RARB: variants seen among roughly 807,000 people sequenced by gnomAD.
RARB encodes HBV-activated protein.
RARB carries 17 observed loss-of-function variants against 51.9 expected under a neutral mutation model. The ratio of observed to expected loss-of-function variants is 0.33; its 90% confidence interval spans 0.22 to 0.49. RARB has a LOEUF of 0.49. Among genes scored for constraint, RARB ranks in the 20% least tolerant of loss-of-function variants. The pLI, the probability that RARB is intolerant of heterozygous loss-of-function variation, is 0.99. For synonymous variants in RARB, 215 were observed against 195.4 expected, an observed-to-expected ratio of 1.10 and a Z score of -0.84; for missense variants, 369 against 550.8, an observed-to-expected ratio of 0.67 and a Z score of 3.30.
At chr3:25,425,923 C>A (rs1707975547), upstream of RARB, among the ~76,000 whole-genome samples, 1 of 152,214 alleles carries the variant, frequency 6.6e-6, no homozygotes, top group African/African-American at 2.4e-5. Flanking sequence ...GATCCCTGTA[C>A]ACACATACCT....
At chr3:25,118,588 T>G (rs1471646858) in intron 3 of RARB, among the ~76,000 whole-genome samples, 1 of 152,196 alleles carries the variant, frequency 6.6e-6, no homozygotes, top group Non-Finnish European at 1.5e-5. Context: ...TAAGGTTATA[T>G]TCCTTGAGAA....
chr3:25,277,988 C>T (rs1045213797), intron 5 of RARB, among the ~76,000 whole-genome samples: 1 of 152,092 alleles, frequency 6.6e-6, no homozygotes, highest in East Asian at 1.9e-4. Flanking sequence ...TTCTTTCATT[C>T]GATGTAATGT....
At chr3:25,436,039 G>A (rs1559400741) in intron 1 of RARB, among the ~76,000 whole-genome samples, 1 of 152,176 alleles carries the variant, frequency 6.6e-6, no homozygotes, top group Non-Finnish European at 1.5e-5. Context: ...ACATTTGTTA[G>A]AACTCATTTT....
chr3:25,458,790 T>C (rs1351840338), intron 1 of RARB, among the ~76,000 whole-genome samples: 2 of 152,216 alleles, frequency 1.3e-5, no homozygotes, highest in South Asian at 2.1e-4. Flanking sequence ...ACTATAATTA[T>C]AGTTGATTCT....
chr3:24,979,374 G>T (rs1331862362), intron 2 of RARB, among the ~76,000 whole-genome samples: 1 of 152,144 alleles, frequency 6.6e-6, no homozygotes, highest in Non-Finnish European at 1.5e-5. Context: ...GGGAGTCTAA[G>T]TCTCTTTATA....
intron 5 of RARB, among the ~76,000 whole-genome samples, chr3:25,406,435 G>A (rs1433916225): frequency 6.6e-6 from 1 of 152,242 alleles, no homozygotes; most frequent in Admixed American, 6.5e-5. Context: ...CAGGGTGCCA[G>A]TGGGGTTGGT....
chr3:24,880,008 C>CTG (rs1559380962), intron 2 of RARB, among the ~76,000 whole-genome samples: 189 of 58,716 alleles, frequency 3.2e-3, no homozygotes, highest in African/African-American at 0.016. Context: ...CCCTAATAGT[C>CTG]AAAGACATAA....
At chr3:25,530,989 AGTTTTT>A (rs1477269230) in intron 3 of RARB, among the ~76,000 whole-genome samples, 3 of 152,206 alleles carry the variant, frequency 2.0e-5, no homozygotes, top group African/African-American at 7.2e-5. Flanking sequence ...GAATGCATAT[AGTTTTT>A]GTTTAGTTTG....
chr3:25,206,410 A>C (rs1015701750), intron 5 of RARB, among the ~76,000 whole-genome samples: 9 of 152,312 alleles, frequency 5.9e-5, no homozygotes, highest in African/African-American at 2.2e-4. Context: ...AAATGTGTAA[A>C]TCACTACTGC....
chr3:25,361,121 A>C (rs1575342001), intron 5 of RARB, among the ~76,000 whole-genome samples: 1 of 152,138 alleles, frequency 6.6e-6, no homozygotes, highest in East Asian at 1.9e-4. Context: ...ACACCAATCA[A>C]ACGTAGGTTT....
chr3:24,920,212 G>A (rs2125386349), intron 2 of RARB, among the ~76,000 whole-genome samples: 1 of 152,278 alleles, frequency 6.6e-6, no homozygotes, highest in South Asian at 2.1e-4. Flanking sequence ...TACAAATAAT[G>A]TGTTGAAGTC....
intron 2 of RARB, among the ~76,000 whole-genome samples, chr3:24,941,873 T>G (rs954566121): frequency 4.6e-5 from 7 of 152,198 alleles, no homozygotes; most frequent in Non-Finnish European, 2.9e-5. Flanking sequence ...GCCAAAAACT[T>G]AAGCGTAAAC....
chr3:25,267,607 C>G (rs1703157067), intron 5 of RARB, among the ~76,000 whole-genome samples: 1 of 152,170 alleles, frequency 6.6e-6, no homozygotes, highest in Non-Finnish European at 1.5e-5. Flanking sequence ...TGGAATCCTA[C>G]AGAACCTTCT....
At chr3:25,360,124 G>T (rs1052721619) in intron 5 of RARB, among the ~76,000 whole-genome samples, 2 of 152,126 alleles carry the variant, frequency 1.3e-5, no homozygotes, top group Non-Finnish European at 2.9e-5. Flanking sequence ...CTCTTTGTAG[G>T]TCTCTAAGAA....
At chr3:25,348,622 A>G (rs1705469046) in intron 5 of RARB, among the ~76,000 whole-genome samples, 1 of 152,238 alleles carries the variant, frequency 6.6e-6, no homozygotes, top group Admixed American at 6.5e-5. Context: ...TGGAAATTGC[A>G]CATGACACAT....
chr3:25,014,053 A>C (rs1458122103), intron 2 of RARB, among the ~76,000 whole-genome samples: 1 of 152,126 alleles, frequency 6.6e-6, no homozygotes, highest in Non-Finnish European at 1.5e-5. Flanking sequence ...TGACAAGATG[A>C]GAGCCAGAAA....
intron 2 of RARB, among the ~76,000 whole-genome samples, chr3:25,052,086 T>C (rs991335190): frequency 2.6e-5 from 4 of 152,068 alleles, no homozygotes; most frequent in African/African-American, 9.7e-5. Flanking sequence ...GGGAAGAAAA[T>C]GGGAAAAGGT....
intron 5 of RARB, among the ~76,000 whole-genome samples, chr3:25,589,536 A>C (rs1195360846): frequency 3.3e-5 from 5 of 152,246 alleles, no homozygotes; most frequent in Non-Finnish European, 5.9e-5. Context: ...CCCTCACCGT[A>C]AGAGAGGTGA....
intron 5 of RARB, among the ~76,000 whole-genome samples, chr3:25,274,787 T>C (rs1324789734): frequency 1.3e-5 from 2 of 151,856 alleles, no homozygotes; most frequent in East Asian, 3.9e-4. Flanking sequence ...GCGGCAAAAA[T>C]ACAGGAAGGG....
Sources: gnomAD v4.1 joint callset for allele counts (sites outside exome capture counted in the v4.1 genomes callset) on GRCh38, gnomAD v4.1.1 for gene constraint, MANE v1.5 for transcripts, NCBI Gene and HGNC (gene_info 2026-07-23, HGNC 2026-07-21) for gene names.